Variants in GHR observed in about 807,000 individuals in gnomAD.
GHR encodes the protein GH receptor.
GHR carries 35 observed loss-of-function variants against 67.1 expected under a neutral mutation model. That is an observed-to-expected ratio of 0.52 (90% CI 0.40 to 0.69). The LOEUF is 0.69. GHR is among the 30% of genes least tolerant of loss of function. The pLI is 0.00. For synonymous variants in GHR, 272 were observed against 269.1 expected (o/e 1.01, Z -0.10); for missense variants, 792 against 764.6 (o/e 1.04, Z -0.42).
intron 1 of GHR, among the ~76,000 whole-genome samples, chr5:42,502,075 C>G (rs1032869074): frequency 2.0e-5 from 3 of 152,102 alleles, no homozygotes; most frequent in African/African-American, 7.2e-5. Context: ...TATAAAAACT[C>G]CGTGGGTGGG....
intron 3 of GHR, among the ~76,000 whole-genome samples, chr5:42,673,730 A>G (rs1304278126): frequency 6.6e-6 from 1 of 152,206 alleles, no homozygotes; most frequent in Non-Finnish European, 1.5e-5. Flanking sequence ...TTGGGTAAAC[A>G]TGGATATAAA....
chr5:42,465,894 G>T (rs1006244473), intron 1 of GHR: 1 of 713,618 alleles, frequency 1.4e-6, no homozygotes, highest in Non-Finnish European at 2.6e-6. Flanking sequence ...TCATCAAGTG[G>T]CTTTTCAAGT....
intron 1 of GHR, among the ~76,000 whole-genome samples, chr5:42,450,712 G>A (rs533051148): frequency 1.4e-4 from 21 of 151,750 alleles, no homozygotes; most frequent in Non-Finnish European, 2.4e-4. Context: ...AGTTCCTTGA[G>A]GTGTGACCTT....
chr5:42,436,492 T>C (rs769361276), intron 1 of GHR, among the ~76,000 whole-genome samples: 35 of 152,216 alleles, frequency 2.3e-4, no homozygotes, highest in Non-Finnish European at 4.0e-4. Flanking sequence ...GCCTAACATC[T>C]GTAAAACATG....
At chr5:42,622,713 A>T (rs1019033610) in intron 2 of GHR, among the ~76,000 whole-genome samples, 1 of 152,182 alleles carries the variant, frequency 6.6e-6, no homozygotes, top group Non-Finnish European at 1.5e-5. Flanking sequence ...TCTAAATGCC[A>T]TTGCTACACA....
chr5:42,533,184 C>T (rs926625639), intron 1 of GHR, among the ~76,000 whole-genome samples: 1 of 152,084 alleles, frequency 6.6e-6, no homozygotes, highest in Non-Finnish European at 1.5e-5. Flanking sequence ...TTATTTATAA[C>T]ATTAGGTATA....
chr5:42,685,428 G>C (rs1336730472), intron 3 of GHR, among the ~76,000 whole-genome samples: 1 of 152,158 alleles, frequency 6.6e-6, no homozygotes. Context: ...CTTTATAGTA[G>C]AATGATTTAT....
rs1005315403 is a variant in GHR, at chr5:42,541,735, G to A, written c.-11-24129G>A. Among the ~76,000 whole-genome samples, 47 of 152,104 alleles carry A rather than the reference G, an allele frequency of 3.1e-4. 1 individual carries two copies. Among genetic ancestry groups the A allele is most frequent in the East Asian group, 3.8e-4 (2 of 5,198 alleles). On this transcript the variant is annotated intron_variant, in intron 1 of 9. Coordinates refer to ENST00000230882, the MANE Select transcript of GHR (RefSeq NM_000163.5). ...AAGATGGAGATGGTAAGAAGTGATC[G>A]CATTCTGGATGTAATTTGAAGGCAT...
In GHR at chr5:42,424,612, G is replaced by T. The variant is rs772899654; in HGVS notation, c.-12+657G>T. On this transcript the variant is annotated intron_variant, in intron 1 of 9. Transcript: ENST00000230882. The surrounding 1 kb of genome is among the most constrained non-coding windows in gnomAD (Gnocchi z 4.1). ...GCATGAACTGGGGTAAGTGGAAATT[G>T]TGGCGAGCCGACCTCCCCCAGCTTT... 3 of 1,534,000 alleles carry T rather than the reference G, an allele frequency of 2.0e-6. No homozygotes were observed. In the East Asian group the frequency reaches 7.3e-5, roughly 38 times the overall value.
intron 2 of GHR, among the ~76,000 whole-genome samples, chr5:42,572,250 C>G (rs1442384905): frequency 6.6e-6 from 1 of 152,144 alleles, no homozygotes; most frequent in East Asian, 1.9e-4. Context: ...CTTGTAACCA[C>G]CTGCTTATCC....
intron 7 of GHR, among the ~76,000 whole-genome samples, chr5:42,712,232 A>G (rs753313180): frequency 6.6e-6 from 1 of 152,108 alleles, no homozygotes; most frequent in Non-Finnish European, 1.5e-5. Context: ...ACTAAATAGC[A>G]TTAGGATGAA....
In GHR at chr5:42,721,478, T is replaced by C. The variant is rs779517789; in HGVS notation, c.*2054T>C. 6.6e-6 allele frequency: 1 copy of C among 152,612 alleles called. No homozygotes were observed. The highest frequency in any genetic ancestry group is 2.4e-5 in the African/African-American group (1 of 41,464). The allele number at this position is 152,612 out of a possible 1,614,324, so 9.5% of individuals were successfully genotyped here. A position where few individuals can be genotyped will look rare whatever the true frequency, so the allele number is the denominator to read the frequency against. ...AATTGAGTGTTTAAAGTTCAACATG[T>C]TATTTGTAATAGATGTTTGATAGAT... On this transcript the variant is annotated 3_prime_UTR_variant, in exon 10 of 10. Coordinates refer to ENST00000230882, the MANE Select transcript of GHR (RefSeq NM_000163.5).
At chr5:42,467,376 A>G in intron 1 of GHR, 1 of 976,376 alleles carries the variant, frequency 1.0e-6, no homozygotes, top group South Asian at 1.3e-5. Context: ...CAGAATCGTT[A>G]CAGGCAGAGG....
At chr5:42,627,633 C>T (rs1026333197) in intron 2 of GHR, among the ~76,000 whole-genome samples, 3 of 152,222 alleles carry the variant, frequency 2.0e-5, no homozygotes, top group Non-Finnish European at 4.4e-5. Context: ...GTTCAGTTGC[C>T]CCACTGCTCA....
At chr5:42,455,534 G>A (rs1316958350) in intron 1 of GHR, among the ~76,000 whole-genome samples, 2 of 152,048 alleles carry the variant, frequency 1.3e-5, no homozygotes, top group African/African-American at 4.8e-5. Context: ...AACTTTCATG[G>A]AAATTTATTC....
At chr5:42,505,708 A>T (rs1746744198) in intron 1 of GHR, among the ~76,000 whole-genome samples, 1 of 152,188 alleles carries the variant, frequency 6.6e-6, no homozygotes, top group African/African-American at 2.4e-5. Context: ...AATAGTACCT[A>T]TTACATTGTC....
At chr5:42,497,406 C>T (rs893035864) in intron 1 of GHR, among the ~76,000 whole-genome samples, 1 of 152,150 alleles carries the variant, frequency 6.6e-6, no homozygotes, top group Admixed American at 6.5e-5. Context: ...TGACTTTAAG[C>T]TCTCTGGCTG....
intron 1 of GHR, among the ~76,000 whole-genome samples, chr5:42,498,752 T>C (rs1746419695): frequency 6.6e-6 from 1 of 152,200 alleles, no homozygotes; most frequent in Non-Finnish European, 1.5e-5. Flanking sequence ...CATAGGATTA[T>C]CTCTGCAAGG....
chr5:42,615,266 G>A (rs1162372985), intron 2 of GHR, among the ~76,000 whole-genome samples: 3 of 151,212 alleles, frequency 2.0e-5, no homozygotes, highest in African/African-American at 7.3e-5. Flanking sequence ...CTTTACCAGC[G>A]ACCTATACTT....
Sources: gnomAD v4.1 joint callset for allele counts (sites outside exome capture counted in the v4.1 genomes callset) on GRCh38, gnomAD v4.1.1 for gene constraint, Gnocchi (gnomAD v3.1) non-coding constraint, MANE v1.5 for transcripts, NCBI Gene and HGNC (gene_info 2026-07-23, HGNC 2026-07-21) for gene names.